Variants in TNR observed in about 807,000 individuals in gnomAD.
TNR encodes the protein tenascin R.
A neutral mutation model predicts 150.4 loss-of-function variants in TNR; 45 were observed. The observed-to-expected ratio is 0.30, with a 90% confidence interval of 0.24 to 0.38. TNR has a LOEUF of 0.38. Ranked by LOEUF, TNR falls within the 10% of genes least tolerant of loss-of-function variation. The pLI, the probability that TNR is intolerant of heterozygous loss-of-function variation, is 1.00. For synonymous variants in TNR, 687 were observed against 678.4 expected (o/e 1.01, Z -0.20); for missense variants, 1,544 against 1,759.1 (o/e 0.88, Z 2.19).
intron 2 of TNR, among the ~76,000 whole-genome samples, chr1:175,497,232 C>A (rs938154583): frequency 3.9e-5 from 6 of 152,206 alleles, no homozygotes; most frequent in African/African-American, 1.4e-4. Flanking sequence ...CCCTTCACTT[C>A]TCCTCGGTTT....
At chr1:175,450,168 T>C (rs1656237695) in intron 2 of TNR, among the ~76,000 whole-genome samples, 1 of 152,200 alleles carries the variant, frequency 6.6e-6, no homozygotes, top group African/African-American at 2.4e-5. Context: ...ACTCCACCGA[T>C]AGACCCTCTT....
chr1:175,555,247 A>G (rs970633128), intron 1 of TNR, among the ~76,000 whole-genome samples: 3 of 152,120 alleles, frequency 2.0e-5, no homozygotes, highest in African/African-American at 4.8e-5. Context: ...TACAGAGGGG[A>G]AAAATCTCAG....
At chr1:175,451,691 G>A (rs766715685) in intron 2 of TNR, among the ~76,000 whole-genome samples, 7 of 152,200 alleles carry the variant, frequency 4.6e-5, no homozygotes, top group Non-Finnish European at 1.0e-4. Context: ...TATGGAGCCC[G>A]TCTATCTCAG....
rs1439989363 is a variant in TNR, at chr1:175,563,191, G to A, written c.-164-34822C>T. Among the ~76,000 whole-genome samples the A allele has an allele frequency of 4.6e-5, 7 of 152,244 alleles. No homozygotes were observed. The South Asian group carries it at 6.2e-4, about 14-fold the overall frequency. ...TAAAGTATGTTTTCATACAATTAAC[G>A]GAAGGGCAGGAATTTGCCCTCTTTT... On this transcript the variant is annotated intron_variant, in intron 1 of 22. Coordinates refer to ENST00000367674, the MANE Select transcript of TNR (RefSeq NM_003285.3).
chr1:175,575,913 G>A (rs954929327), intron 1 of TNR, among the ~76,000 whole-genome samples: 1 of 152,152 alleles, frequency 6.6e-6, no homozygotes, highest in Non-Finnish European at 1.5e-5. Context: ...TGGGAGCTGT[G>A]GGGGCAAAGG....
intron 1 of TNR, among the ~76,000 whole-genome samples, chr1:175,609,090 G>C (rs1663511302): frequency 6.6e-6 from 1 of 152,216 alleles, no homozygotes. Context: ...CCTGGGGAAT[G>C]GATAAGCCAG....
chr1:175,410,615 G>C (rs1654171089), intron 2 of TNR, among the ~76,000 whole-genome samples: 1 of 152,204 alleles, frequency 6.6e-6, no homozygotes, highest in East Asian at 1.9e-4. Context: ...CCCTGTCTTG[G>C]TTAAGTGAGG....
intron 1 of TNR, among the ~76,000 whole-genome samples, chr1:175,619,621 G>A (rs1663904783): frequency 6.6e-6 from 1 of 152,142 alleles, no homozygotes; most frequent in Admixed American, 6.5e-5. Flanking sequence ...TAGAACACAA[G>A]TCTTGGGAAA....
chr1:175,411,672 A>G (rs141122412), intron 2 of TNR, among the ~76,000 whole-genome samples: 93 of 151,670 alleles, frequency 6.1e-4, no homozygotes, highest in African/African-American at 2.2e-3. Flanking sequence ...GTTTCTTCAT[A>G]TAGTTGTCTT....
chr1:175,471,757 A>T (rs566555034), intron 2 of TNR, among the ~76,000 whole-genome samples: 2 of 151,960 alleles, frequency 1.3e-5, no homozygotes, highest in African/African-American at 2.4e-5. Context: ...ATTTTATTAA[A>T]TTTTTTTTCT....
intron 2 of TNR, among the ~76,000 whole-genome samples, chr1:175,434,287 G>A (rs1203647642): frequency 1.3e-5 from 2 of 152,110 alleles, no homozygotes; most frequent in African/African-American, 4.8e-5. Context: ...GGTGTCGACT[G>A]TCCCTGGGAA....
At chr1:175,453,629 T>C (rs762821307) in intron 2 of TNR, among the ~76,000 whole-genome samples, 4 of 152,246 alleles carry the variant, frequency 2.6e-5, no homozygotes, top group East Asian at 1.9e-4. Context: ...GGCGTGATTA[T>C]AGCTTACCAC....
intron 1 of TNR, among the ~76,000 whole-genome samples, chr1:175,630,299 C>G (rs1445466619): frequency 6.6e-6 from 1 of 152,226 alleles, no homozygotes; most frequent in Admixed American, 6.5e-5. Context: ...TGTCTTATCC[C>G]TAGAAGCTAC....
intron 1 of TNR, among the ~76,000 whole-genome samples, chr1:175,722,796 TC>T (rs1364962442): frequency 6.8e-6 from 1 of 147,170 alleles, no homozygotes; most frequent in Admixed American, 6.8e-5. Flanking sequence ...TATAGTTGCT[TC>T]CCCCCTGCCC....
At chr1:175,600,884 T>G (rs1663206384) in intron 1 of TNR, among the ~76,000 whole-genome samples, 1 of 152,210 alleles carries the variant, frequency 6.6e-6, no homozygotes, top group East Asian at 1.9e-4. Context: ...ATTTAAGACT[T>G]ACGCTACAGA....
chr1:175,392,088 A>G (rs570524693), intron 6 of TNR, among the ~76,000 whole-genome samples: 8 of 152,220 alleles, frequency 5.3e-5, no homozygotes, highest in Non-Finnish European at 1.2e-4. Flanking sequence ...AAGCTTGGAA[A>G]AAGATAATAC....
intron 1 of TNR, among the ~76,000 whole-genome samples, chr1:175,657,983 C>A (rs966830105): frequency 2.0e-5 from 3 of 149,628 alleles, no homozygotes; most frequent in Non-Finnish European, 4.4e-5. Flanking sequence ...AGAGGACAAG[C>A]AAGAGCAACC....
chr1:175,417,641 C>CT (rs951046967), intron 2 of TNR, among the ~76,000 whole-genome samples: 42 of 149,446 alleles, frequency 2.8e-4, no homozygotes, highest in Middle Eastern at 3.5e-3. Flanking sequence ...TGATTGCTTG[C>CT]TTTTTTTTTT....
intron 2 of TNR, among the ~76,000 whole-genome samples, chr1:175,480,886 T>C (rs538291932): frequency 6.6e-6 from 1 of 152,314 alleles, no homozygotes; most frequent in Admixed American, 6.5e-5. Flanking sequence ...ATATCCTAGA[T>C]CACTTCTTAT....
Sources: gnomAD v4.1 joint callset for allele counts (sites outside exome capture counted in the v4.1 genomes callset) on GRCh38, gnomAD v4.1.1 for gene constraint, MANE v1.5 for transcripts, NCBI Gene and HGNC (gene_info 2026-07-23, HGNC 2026-07-21) for gene names.